Variants in ASTN2 observed in about 807,000 individuals in gnomAD.
ASTN2 encodes the protein astrotactin-2.
ASTN2 carries 54 observed loss-of-function variants against 139.8 expected under a neutral mutation model. The ratio of observed to expected loss-of-function variants is 0.39; its 90% CI spans 0.31 to 0.48. ASTN2 has a LOEUF of 0.48. ASTN2 is among the 20% of genes least tolerant of loss of function. The pLI is 0.95. For synonymous variants in ASTN2, 756 were observed against 719.5 expected, an observed-to-expected ratio of 1.05 and a Z score of -0.81; for missense variants, 1,565 against 1,725.1, an observed-to-expected ratio of 0.91 and a Z score of 1.64.
intron 7 of ASTN2, among the ~76,000 whole-genome samples, chr9:116,982,075 T>G (rs567785603): frequency 4.5e-4 from 68 of 152,326 alleles, no homozygotes; most frequent in Non-Finnish European, 7.1e-4. Flanking sequence ...ATGAACAATC[T>G]GTGTTCATCT....
intron 10 of ASTN2, among the ~76,000 whole-genome samples, chr9:116,969,382 G>T (rs1836116804): frequency 6.6e-6 from 1 of 152,156 alleles, no homozygotes. Context: ...ACTTATTTCA[G>T]TAAAGCACTT....
intron 1 of ASTN2, among the ~76,000 whole-genome samples, chr9:117,383,520 G>A (rs1830321936): frequency 6.6e-6 from 1 of 151,850 alleles, no homozygotes; most frequent in Non-Finnish European, 1.5e-5. Flanking sequence ...GTGTTGCTTT[G>A]AACTGTAACA....
At chr9:116,533,119 G>A (rs1851436180) in intron 19 of ASTN2, among the ~76,000 whole-genome samples, 1 of 152,116 alleles carries the variant, frequency 6.6e-6, no homozygotes, top group Non-Finnish European at 1.5e-5. Flanking sequence ...TCTTTTTGAA[G>A]CAATTGTGAA....
chr9:117,188,166 T>TAG (rs150848006), intron 3 of ASTN2, among the ~76,000 whole-genome samples: 60,874 of 125,334 alleles, frequency 0.49, 13,980 homozygotes, highest in Non-Finnish European at 0.61. Context: ...GTCTGTGTGA[T>TAG]AGAGAGAGAG....
At chr9:116,544,791 G>C (rs980553462) in intron 19 of ASTN2, among the ~76,000 whole-genome samples, 1 of 152,272 alleles carries the variant, frequency 6.6e-6, no homozygotes, top group South Asian at 2.1e-4. Flanking sequence ...AAATCGGTGG[G>C]AAACAAGGCA....
chr9:116,888,558 T>A (rs1833677223), intron 10 of ASTN2, among the ~76,000 whole-genome samples: 1 of 152,164 alleles, frequency 6.6e-6, no homozygotes, highest in East Asian at 1.9e-4. Context: ...AGTCTTGCTC[T>A]GTCACCCAGG....
intron 2 of ASTN2, among the ~76,000 whole-genome samples, chr9:117,278,834 G>A (rs943644510): frequency 1.3e-5 from 2 of 152,156 alleles, no homozygotes; most frequent in Non-Finnish European, 2.9e-5. Context: ...AACCTACAGC[G>A]TGAGTGGCTC....
chr9:117,312,406 C>T (rs181053034), intron 1 of ASTN2, among the ~76,000 whole-genome samples: 9 of 152,228 alleles, frequency 5.9e-5, no homozygotes, highest in Admixed American at 5.2e-4. Context: ...AGGCTCAAAT[C>T]CCAGGCGGAC....
intron 5 of ASTN2, among the ~76,000 whole-genome samples, chr9:117,094,194 GAGGAGAGGAGAGGAGAGGAGAGGAA>G (rs1828782671): frequency 1.1e-4 from 6 of 52,326 alleles, no homozygotes; most frequent in Non-Finnish European, 4.7e-5. Context: ...GAGGAGAGGA[GAGGAGAGGAGAGGAGAGGAGAGGAA>G]AGGAAAGAGG....
At chr9:117,242,326 C>T (rs2133075694) in intron 2 of ASTN2, among the ~76,000 whole-genome samples, 1 of 152,188 alleles carries the variant, frequency 6.6e-6, no homozygotes, top group South Asian at 2.1e-4. Context: ...ACCTCCATTC[C>T]TTTTACACTC....
chr9:117,349,975 T>C (rs148426167), intron 1 of ASTN2, among the ~76,000 whole-genome samples: 1 of 152,304 alleles, frequency 6.6e-6, no homozygotes, highest in African/African-American at 2.4e-5. Context: ...AAAAGGACAT[T>C]GGTGGAAACC....
intron 16 of ASTN2, among the ~76,000 whole-genome samples, chr9:116,695,915 G>A (rs1177360708): frequency 6.6e-6 from 1 of 152,014 alleles, no homozygotes; most frequent in Non-Finnish European, 1.5e-5. Context: ...AATCATCTAG[G>A]CTTGAGTCTT....
chr9:116,997,453 C>T (rs1837058647), intron 7 of ASTN2, among the ~76,000 whole-genome samples: 1 of 152,066 alleles, frequency 6.6e-6, no homozygotes, highest in Non-Finnish European at 1.5e-5. Flanking sequence ...TGTTTCCCTG[C>T]CCTCAATTCA....
rs187936144 is a variant in ASTN2 at position 116,615,239 on chromosome 9, G to A, written c.3355+3085C>T. ...GTCAGAAAACAACAGGTGCTGGAGA[G>A]GATGTGGAGAAATAGGAAGACTTTT... On this transcript the variant is annotated intron_variant, in intron 19 of 22. Transcript: ENST00000313400. Among the ~76,000 whole-genome samples the A allele has an allele frequency of 3.3e-3, 499 of 152,270 alleles. 2 individuals are homozygous for A. Among genetic ancestry groups the A allele is most frequent in the African/African-American group, 0.011 (447 of 41,552 alleles).
At chr9:116,667,575 T>A (rs903292196) in intron 16 of ASTN2, among the ~76,000 whole-genome samples, 2 of 152,214 alleles carry the variant, frequency 1.3e-5, no homozygotes, top group African/African-American at 4.8e-5. Context: ...TGTGTGTACT[T>A]AAAATCTTCC....
At chr9:116,498,324 C>A (rs779699571) in intron 19 of ASTN2, among the ~76,000 whole-genome samples, 30 of 152,116 alleles carry the variant, frequency 2.0e-4, no homozygotes, top group Non-Finnish European at 3.5e-4. Flanking sequence ...GTGTCCCATG[C>A]CTGTAATCCC....
At chr9:117,207,568 G>A (rs1831972795) in intron 3 of ASTN2, among the ~76,000 whole-genome samples, 1 of 152,130 alleles carries the variant, frequency 6.6e-6, no homozygotes, top group Admixed American at 6.5e-5. Flanking sequence ...CATGTCCCAG[G>A]CCTAAGAAAC....
At chr9:117,225,556 T>TAA (rs1832684844) in intron 2 of ASTN2, among the ~76,000 whole-genome samples, 3 of 102,832 alleles carry the variant, frequency 2.9e-5, no homozygotes, top group Non-Finnish European at 5.7e-5. Flanking sequence ...TATATATATA[T>TAA]ATATATATAT....
intron 1 of ASTN2, among the ~76,000 whole-genome samples, chr9:117,373,115 T>C (rs756121661): frequency 1.3e-5 from 2 of 152,186 alleles, no homozygotes; most frequent in South Asian, 2.1e-4. Flanking sequence ...CTCATTATTA[T>C]TGAGGGCTAA....
Sources: allele counts gnomAD v4.1 joint callset (sites outside exome capture counted in the v4.1 genomes callset), GRCh38; gene constraint gnomAD v4.1.1; transcripts MANE v1.5; gene names NCBI Gene and HGNC (gene_info 2026-07-23, HGNC 2026-07-21).